The following MAST4 variants were observed in gnomAD, a reference collection of about 807,000 sequenced individuals.
MAST4 encodes microtubule-associated serine/threonine-protein kinase 4.
Under a neutral mutation model 162.7 loss-of-function variants are expected in MAST4, and 89 were observed. The observed-to-expected ratio is 0.55, with a 90% CI of 0.46 to 0.65. The LOEUF (loss-of-function observed/expected upper bound fraction) is 0.65. MAST4 is among the 30% of genes least tolerant of loss of function. The probability of loss-of-function intolerance (pLI) is 0.00; values close to 1 mark genes in which losing one functional copy is unlikely to be tolerated. For synonymous variants in MAST4, 1,479 were observed against 1,361.1 expected (o/e 1.09, Z -1.91); for missense variants, 3,153 against 3,374.0 (o/e 0.93, Z 1.62).
At chr5:66,748,436 C>CCTCCCTCTCTCCCTCCCTCCCTCCCTCA (rs1561302726) in intron 1 of MAST4, among the ~76,000 whole-genome samples, 146 of 5,356 alleles carry the variant, frequency 0.027, 9 homozygotes, top group African/African-American at 0.065. Context: ...TCCCTCCCTC[C>CCTCCCTCTCTCCCTCCCTCCCTCCCTCA]CTCCCTCTCT....
rs140203965 is a variant in MAST4 at position 66,615,718 on chromosome 5, C to T, written c.363+18700C>T. Among the ~76,000 whole-genome samples the T allele has an allele frequency of 4.6e-3, 693 of 151,964 alleles. 5 individuals are homozygous for T. The highest frequency in any genetic ancestry group is 9.4e-3 in the South Asian group (45 of 4,800). On this transcript the variant is annotated intron_variant, in intron 1 of 28. Coordinates refer to ENST00000403625, the MANE Select transcript of MAST4 (RefSeq NM_001164664.2). ...GTCCCAGCTACTTGGAAGGTTGAGA[C>T]GGAGGATTGAGCCCAGGAATTTGAG...
At chr5:66,915,745 C>T (rs1764075133) in intron 4 of MAST4, among the ~76,000 whole-genome samples, 1 of 152,074 alleles carries the variant, frequency 6.6e-6, no homozygotes, top group African/African-American at 2.4e-5. Context: ...CACTGGGGGG[C>T]TAGTCCTGAG....
At chr5:67,134,380 T>C (rs2151005102) in intron 17 of MAST4, 143 bp from the exon 18 acceptor site, 1 of 537,452 alleles carries the variant, frequency 1.9e-6, no homozygotes, top group South Asian at 4.1e-5. Context: ...TTTTTATAAT[T>C]GGTGCTCTTA....
Position 67,169,444 on chromosome 5 carries a change from T to C in MAST4, c.*2393T>C, listed in dbSNP as rs1484035225. On this transcript the variant is annotated 3_prime_UTR_variant, in exon 29 of 29. Coordinates refer to ENST00000403625, the MANE Select transcript of MAST4 (RefSeq NM_001164664.2). Reference sequence around the variant, plus strand: ...TACTCCCAGCTGTAGATTTACCAGCTTAAAAGTTTGTTAGGATCTGTGCAA... The same window carrying C: ...TACTCCCAGCTGTAGATTTACCAGCCTAAAAGTTTGTTAGGATCTGTGCAA... 1.3e-5 allele frequency: 2 copies of C among 152,222 alleles called. No homozygotes were observed. Among genetic ancestry groups the C allele is most frequent in the Non-Finnish European group, 2.9e-5 (2 of 68,024 alleles). The allele number at this position is 152,222 out of a possible 1,614,324, so 9.4% of individuals were successfully genotyped here. A position where few individuals can be genotyped will look rare whatever the true frequency, so the allele number is the denominator to read the frequency against.
intron 2 of MAST4, among the ~76,000 whole-genome samples, chr5:66,776,408 G>A (rs1754604820): frequency 6.6e-6 from 1 of 152,076 alleles, no homozygotes; most frequent in Non-Finnish European, 1.5e-5. Context: ...TGTCCTCTGG[G>A]GTATTGAGGT....
At chr5:66,685,091 G>A (rs1204813249) in intron 1 of MAST4, among the ~76,000 whole-genome samples, 1 of 151,974 alleles carries the variant, frequency 6.6e-6, no homozygotes, top group African/African-American at 2.4e-5. Flanking sequence ...GCGAAACTCT[G>A]TCTCTACATA....
At chr5:66,727,282 A>C (rs2149548695) in intron 1 of MAST4, among the ~76,000 whole-genome samples, 1 of 152,324 alleles carries the variant, frequency 6.6e-6, no homozygotes, top group South Asian at 2.1e-4. Flanking sequence ...TTATGGTAGC[A>C]TACTCTGATA....
At chr5:67,132,811 AG>A (rs949654835) in intron 16 of MAST4, among the ~76,000 whole-genome samples, 7 of 152,094 alleles carry the variant, frequency 4.6e-5, no homozygotes, top group African/African-American at 1.7e-4. Context: ...TGAAAAATGC[AG>A]GGGAAAAAAG....
chr5:66,921,148 A>G (rs531192406), intron 4 of MAST4, among the ~76,000 whole-genome samples: 3 of 152,180 alleles, frequency 2.0e-5, no homozygotes, highest in African/African-American at 7.2e-5. Flanking sequence ...TAAAACTGCA[A>G]CATTGGGTTA....
intron 2 of MAST4, among the ~76,000 whole-genome samples, chr5:66,773,105 A>G (rs1298898252): frequency 6.6e-6 from 1 of 152,188 alleles, no homozygotes; most frequent in Non-Finnish European, 1.5e-5. Context: ...GGAATGTAGA[A>G]GTTTTTTTAA....
At chr5:66,804,276 G>A (rs1261058593) in intron 3 of MAST4, among the ~76,000 whole-genome samples, 1 of 150,336 alleles carries the variant, frequency 6.7e-6, no homozygotes, top group Non-Finnish European at 1.5e-5. Context: ...TAATAGGGCT[G>A]CATAATAAAT....
intron 3 of MAST4, among the ~76,000 whole-genome samples, chr5:66,888,655 G>A (rs1177602415): frequency 6.6e-6 from 1 of 152,056 alleles, no homozygotes; most frequent in Non-Finnish European, 1.5e-5. Context: ...TTCAAATTAG[G>A]GGCAGTTGAA....
At position 66,887,140 on chromosome 5, in the gene MAST4, A is replaced by G. The variant is rs115890257; in HGVS notation, c.643-12811A>G. 1.6e-3 allele frequency among the ~76,000 whole-genome samples: 244 copies of G among 152,350 alleles called. 2 individuals are homozygous for G. The highest frequency in any genetic ancestry group is 5.7e-3 in the African/African-American group (237 of 41,586). On this transcript the variant is annotated intron_variant, in intron 3 of 28. Coordinates refer to ENST00000403625, the MANE Select transcript of MAST4 (RefSeq NM_001164664.2). ...TAACTGTCACAAATGTGATGCCATTAAGCTTGGACTCTCTTTGGTTAACTT... is the reference window on the plus strand; with the variant it reads ...TAACTGTCACAAATGTGATGCCATTGAGCTTGGACTCTCTTTGGTTAACTT...
At chr5:67,004,237 C>G (rs1023490830) in intron 4 of MAST4, among the ~76,000 whole-genome samples, 1 of 152,094 alleles carries the variant, frequency 6.6e-6, no homozygotes, top group East Asian at 1.9e-4. Context: ...CGTGAGCCCC[C>G]GCTCCTCAGG....
intron 16 of MAST4, among the ~76,000 whole-genome samples, chr5:67,133,171 CT>C (rs988711901): frequency 2.7e-4 from 40 of 147,636 alleles, no homozygotes; most frequent in Admixed American, 1.5e-3. Flanking sequence ...GGTGTATGCC[CT>C]TTTTTTTTTA....
At chr5:66,843,682 T>C (rs1424302065) in intron 3 of MAST4, among the ~76,000 whole-genome samples, 2 of 152,192 alleles carry the variant, frequency 1.3e-5, no homozygotes. Flanking sequence ...AGTCACTTTC[T>C]GTCACTTTCT....
In MAST4 at chr5:67,164,437, T is replaced by C. The variant is rs1163469981; in HGVS notation, c.5258T>C (p.Val1753Ala). The change falls in exon 29 of 29, where the codon GTC becomes GCC. Residue 1753 changes from valine to alanine, a missense_variant. Coordinates refer to ENST00000403625, the MANE Select transcript of MAST4 (RefSeq NM_001164664.2). This position sits in a 1 kb window ranked among gnomAD's most constrained non-coding sequence, Gnocchi z 5.3. ...ACCCATGCAGCTCAGATGAGTGCCG[T>C]CTCTTTTGTTCCCCTCAAGGCCTTA... is the stretch of plus-strand genomic sequence containing the variant. ...SSTHAAQMSA[V>A]SFVPLKALTG... 6.2e-7 allele frequency: 1 copy of C among 1,613,892 alleles called. No individual in the cohort carries two copies. Among genetic ancestry groups the C allele is most frequent in the South Asian group, 1.1e-5 (1 of 91,070 alleles).
At chr5:66,879,654 A>C (rs1052211409) in intron 3 of MAST4, among the ~76,000 whole-genome samples, 3 of 152,164 alleles carry the variant, frequency 2.0e-5, no homozygotes, top group African/African-American at 7.2e-5. Flanking sequence ...CTAGGACAAC[A>C]GGCACACATC....
intron 1 of MAST4, among the ~76,000 whole-genome samples, chr5:66,626,464 C>T (rs1382924271): frequency 1.1e-4 from 16 of 152,122 alleles, no homozygotes; most frequent in East Asian, 1.9e-4. Context: ...AATACTCTTC[C>T]GCTGCACTGT....
Sources: allele counts gnomAD v4.1 joint callset (sites outside exome capture counted in the v4.1 genomes callset), GRCh38; gene constraint gnomAD v4.1.1; non-coding constraint Gnocchi (gnomAD v3.1); transcripts MANE v1.5; gene names NCBI Gene and HGNC (gene_info 2026-07-23, HGNC 2026-07-21).